Variants in MCC observed in about 807,000 individuals in gnomAD.
The protein encoded by MCC is MCC regulator of Wnt signaling pathway.
In MCC, 90 loss-of-function variants were observed where a neutral mutation model predicts 116.2. The ratio of observed to expected loss-of-function variants is 0.77; its 90% CI spans 0.65 to 0.92. The LOEUF is 0.92. MCC is among the 40% of genes least tolerant of loss of function. The pLI is 0.00. For missense variants in MCC, 1,516 were observed against 1,312.2 expected (o/e 1.16, Z -2.40); for synonymous variants, 578 against 510.5 (o/e 1.13, Z -1.78).
intron 3 of MCC, among the ~76,000 whole-genome samples, chr5:113,152,604 C>A (rs1309013418): frequency 6.6e-6 from 1 of 152,194 alleles, no homozygotes; most frequent in Non-Finnish European, 1.5e-5. Context: ...TCATTTGAGG[C>A]TTAGAAAAAT....
chr5:113,454,057 C>T (rs547335160), intron 1 of MCC, among the ~76,000 whole-genome samples: 22 of 151,868 alleles, frequency 1.4e-4, no homozygotes, highest in African/African-American at 2.2e-4. Flanking sequence ...TTGCGGTGGA[C>T]GGAATATCGC....
Position 113,434,542 on chromosome 5 carries a change from C to T in MCC, c.171-49330G>A, listed in dbSNP as rs769659609. ...AGGGCTCCCCGGGTTTTGATTAACTCGAGGAGGTCGCCCTGGACCGCGAGC... is the reference window on the plus strand; with the variant it reads ...AGGGCTCCCCGGGTTTTGATTAACTTGAGGAGGTCGCCCTGGACCGCGAGC... On this transcript the variant is annotated intron_variant, in intron 1 of 18. Coordinates refer to ENST00000408903, the MANE Select transcript of MCC (RefSeq NM_001085377.2). The surrounding 1 kb of genome is among the most constrained non-coding windows in gnomAD (Gnocchi z 4.2). 1.3e-5 allele frequency: 21 copies of T among 1,612,678 alleles called. No individual in the cohort carries two copies. The highest frequency in any genetic ancestry group is 2.7e-5 in the African/African-American group (2 of 74,786).
intron 2 of MCC, among the ~76,000 whole-genome samples, chr5:113,383,638 CT>C (rs1256812795): frequency 1.1e-4 from 16 of 151,800 alleles, no homozygotes; most frequent in East Asian, 9.7e-4. Flanking sequence ...TTCTGCTTGC[CT>C]TTTTTTCCCC....
chr5:113,209,651 A>G (rs1763049441), intron 3 of MCC, among the ~76,000 whole-genome samples: 1 of 152,192 alleles, frequency 6.6e-6, no homozygotes, highest in Non-Finnish European at 1.5e-5. Flanking sequence ...TCTCACTCCA[A>G]GACACCACTG....
intron 3 of MCC, among the ~76,000 whole-genome samples, chr5:113,242,705 G>A (rs1444497353): frequency 6.6e-6 from 1 of 152,000 alleles, no homozygotes; most frequent in African/African-American, 2.4e-5. Flanking sequence ...GACCACACGG[G>A]GGTAACCAGA....
intron 3 of MCC, among the ~76,000 whole-genome samples, chr5:113,212,495 G>A (rs1489617126): frequency 6.6e-6 from 1 of 152,026 alleles, no homozygotes. Context: ...ATCTCACGTT[G>A]CAGACAGCTT....
intron 8 of MCC, among the ~76,000 whole-genome samples, chr5:113,093,213 A>G (rs1290044876): frequency 3.9e-5 from 6 of 152,210 alleles, no homozygotes; most frequent in African/African-American, 1.4e-4. Context: ...GAATAAATTA[A>G]AAGAGGGACC....
intron 6 of MCC, among the ~76,000 whole-genome samples, chr5:113,114,987 GA>G (rs1757312444): frequency 6.8e-6 from 1 of 147,746 alleles, no homozygotes; most frequent in Admixed American, 6.6e-5. Context: ...TGCCTCACAT[GA>G]AAAGGCAGAG....
chr5:113,192,800 A>G (rs561894663), intron 3 of MCC, among the ~76,000 whole-genome samples: 1 of 152,352 alleles, frequency 6.6e-6, no homozygotes, highest in Non-Finnish European at 1.5e-5. Flanking sequence ...AGCATACAAC[A>G]CAGTTCAAAC....
At position 113,483,841 on chromosome 5, in the gene MCC, G is replaced by A. The variant is rs529246777; in HGVS notation, c.170+4404C>T. On this transcript the variant is annotated intron_variant, in intron 1 of 18. Coordinates refer to ENST00000408903, the MANE Select transcript of MCC (RefSeq NM_001085377.2). ...GACAAAGAAAGTGTGGTATGTATAT[G>A]CCATGTGATACTACACAGTCATAAA... Among the ~76,000 whole-genome samples, 4 of 152,144 alleles carry A rather than the reference G, an allele frequency of 2.6e-5. No homozygotes were observed. The South Asian group carries it at 8.3e-4, about 32-fold the overall frequency.
At chr5:113,124,015 A>G (rs1318054162) in intron 5 of MCC, among the ~76,000 whole-genome samples, 1 of 152,242 alleles carries the variant, frequency 6.6e-6, no homozygotes, top group African/African-American at 2.4e-5. Context: ...AGAAATGTGA[A>G]GAACAGAAAT....
At chr5:113,222,345 G>C (rs1287875473) in intron 3 of MCC, among the ~76,000 whole-genome samples, 3 of 152,000 alleles carry the variant, frequency 2.0e-5, no homozygotes, top group African/African-American at 7.2e-5. Context: ...TTACATCCAT[G>C]TTCACAAAGA....
intron 1 of MCC, among the ~76,000 whole-genome samples, chr5:113,487,524 G>A (rs1271446024): frequency 6.6e-6 from 1 of 152,246 alleles, no homozygotes; most frequent in Non-Finnish European, 1.5e-5. Context: ...CGGGGGATCC[G>A]AAGCAAACAC....
chr5:113,112,095 CTT>C lies in MCC; in HGVS notation c.1028-7742_1028-7741del, dbSNP rs567070962. Among the ~76,000 whole-genome samples the C allele has an allele frequency of 1.4e-3, 210 of 152,356 alleles. 1 individual carries two copies. The highest frequency in any genetic ancestry group is 4.9e-3 in the African/African-American group (203 of 41,574). On this transcript the variant is annotated intron_variant, in intron 6 of 18. Coordinates refer to ENST00000408903, the MANE Select transcript of MCC (RefSeq NM_001085377.2). ...CCTGATTCCAACCAAGCAGTCCCCT[CTT>C]TACCAGAATGACTTTGCTCCAAAGT...
At chr5:113,356,219 T>C (rs1226613826) in intron 2 of MCC, among the ~76,000 whole-genome samples, 1 of 151,710 alleles carries the variant, frequency 6.6e-6, no homozygotes, top group African/African-American at 2.4e-5. Flanking sequence ...AAGTTTTTTA[T>C]AGAGACTGGG....
At chr5:113,410,608 C>T (rs898857003) in intron 1 of MCC, among the ~76,000 whole-genome samples, 1 of 152,112 alleles carries the variant, frequency 6.6e-6, no homozygotes. Flanking sequence ...AATTATTATG[C>T]AACTCTTATT....
chr5:113,189,652 C>T (rs755690403), intron 3 of MCC, among the ~76,000 whole-genome samples: 1 of 152,094 alleles, frequency 6.6e-6, no homozygotes, highest in Non-Finnish European at 1.5e-5. Flanking sequence ...CTGAGCGGAT[C>T]AAAATAAAAA....
chr5:113,116,323 G>A (rs1041384101), intron 6 of MCC, among the ~76,000 whole-genome samples: 5 of 152,110 alleles, frequency 3.3e-5, no homozygotes, highest in South Asian at 4.1e-4. Context: ...CTGGGGATGC[G>A]GTAACAACAC....
chr5:113,402,291 C>T (rs1474741668), intron 1 of MCC, among the ~76,000 whole-genome samples: 4 of 74,712 alleles, frequency 5.4e-5, no homozygotes, highest in African/African-American at 1.2e-4. Flanking sequence ...CAGACTCCGT[C>T]TCAAAAAAAA....
Sources: gnomAD v4.1 joint callset for allele counts (sites outside exome capture counted in the v4.1 genomes callset) on GRCh38, gnomAD v4.1.1 for gene constraint, Gnocchi (gnomAD v3.1) non-coding constraint, MANE v1.5 for transcripts, NCBI Gene and HGNC (gene_info 2026-07-23, HGNC 2026-07-21) for gene names.